Variants in ORC4 observed in about 807,000 individuals in gnomAD.
The protein encoded by ORC4 is origin recognition complex, subunit 4 homolog.
ORC4 carries 55 observed loss-of-function variants against 63.9 expected under a neutral mutation model. The ratio of observed to expected loss-of-function variants is 0.86; its 90% CI spans 0.69 to 1.08. The LOEUF (loss-of-function observed/expected upper bound fraction) is 1.08, where lower values mean the gene tolerates loss of function less well. Ranked by LOEUF, ORC4 falls within the 50% of genes least tolerant of loss-of-function variation. The pLI is 0.00. For missense variants in ORC4, 511 were observed against 504.4 expected (o/e 1.01, Z -0.13); for synonymous variants, 150 against 168.5 (o/e 0.89, Z 0.85).
In ORC4 at chr2:147,989,521, C is replaced by A. The variant is rs182017417; in HGVS notation, c.-17-13546G>T. 2.0e-3 allele frequency among the ~76,000 whole-genome samples: 303 copies of A among 152,240 alleles called. 1 individual carries two copies. The highest frequency in any genetic ancestry group is 0.014 in the Middle Eastern group (4 of 294). On this transcript the variant is annotated intron_variant, in intron 1 of 13. Transcript: ENST00000392857. ...AGGAGTTTGAGACGAGCCTGGCCAA[C>A]ATGGTGAAACTCCATCTCTACTAAA... is the stretch of plus-strand genomic sequence containing the variant.
intron 4 of ORC4, among the ~76,000 whole-genome samples, chr2:147,970,724 C>T (rs1452110862): frequency 6.6e-6 from 1 of 151,736 alleles, no homozygotes; most frequent in East Asian, 1.9e-4. Flanking sequence ...AACTATAAAG[C>T]TTGTAGAAGA....
intron 1 of ORC4, among the ~76,000 whole-genome samples, chr2:148,019,022 T>C (rs1196573746): frequency 2.0e-5 from 3 of 151,826 alleles, no homozygotes; most frequent in African/African-American, 4.8e-5. Flanking sequence ...TTTAAAATTG[T>C]AGCTAAGGCA....
At chr2:147,949,560 T>C (rs1688841257) in intron 8 of ORC4, among the ~76,000 whole-genome samples, 1 of 152,140 alleles carries the variant, frequency 6.6e-6, no homozygotes, top group Non-Finnish European at 1.5e-5. Context: ...ATGGTATAAA[T>C]TACATCTCAA....
At chr2:147,972,865 G>A (rs776898231) in intron 3 of ORC4, 36 bp from the exon 4 acceptor site, 4 of 1,359,564 alleles carry the variant, frequency 2.9e-6, no homozygotes, top group Non-Finnish European at 4.2e-6. Context: ...TTTTAAAAAT[G>A]AAGCTGGAAT....
chr2:147,946,800 T>TAA (rs1227345049), intron 9 of ORC4, among the ~76,000 whole-genome samples: 4 of 151,970 alleles, frequency 2.6e-5, no homozygotes, highest in Admixed American at 2.6e-4. Flanking sequence ...GTCCTTTATG[T>TAA]AAAAACAACA....
chr2:147,942,149 T>C (rs909103963), intron 10 of ORC4, among the ~76,000 whole-genome samples: 5 of 152,094 alleles, frequency 3.3e-5, no homozygotes, highest in African/African-American at 9.7e-5. Flanking sequence ...TAGGTACTAC[T>C]AGCATCAACA....
At chr2:148,009,176 AT>A (rs1692804819) in intron 1 of ORC4, among the ~76,000 whole-genome samples, 1 of 152,122 alleles carries the variant, frequency 6.6e-6, no homozygotes, top group Non-Finnish European at 1.5e-5. Flanking sequence ...GCACAAAAAA[AT>A]AAAAAGCAAG....
At chr2:147,980,994 A>C (rs574355463) in intron 1 of ORC4, among the ~76,000 whole-genome samples, 6 of 152,316 alleles carry the variant, frequency 3.9e-5, no homozygotes, top group African/African-American at 1.4e-4. Flanking sequence ...TGAAAAGATA[A>C]AGAAGATGTG....
rs907761585 is a variant in ORC4 at position 147,948,483 on chromosome 2, T to G, written c.589-259A>C. 4.6e-5 allele frequency among the ~76,000 whole-genome samples: 7 copies of G among 152,092 alleles called. No individual in the cohort carries two copies. The East Asian group carries it at 1.3e-3, about 29-fold the overall frequency. On this transcript the variant is annotated intron_variant, in intron 8 of 13. Coordinates refer to ENST00000392857, the MANE Select transcript of ORC4 (RefSeq NM_181741.4). Reference sequence around the variant, plus strand: ...GTAACATTCCAAGACCCAACATGACTGTTTAAAAAAACTGACAATATTGAA... The same window carrying G: ...GTAACATTCCAAGACCCAACATGACGGTTTAAAAAAACTGACAATATTGAA...
intron 1 of ORC4, among the ~76,000 whole-genome samples, chr2:148,014,706 A>G (rs1415460477): frequency 6.6e-6 from 1 of 152,204 alleles, no homozygotes; most frequent in Non-Finnish European, 1.5e-5. Flanking sequence ...AAATAATAGA[A>G]ATTTTTAAAA....
intron 1 of ORC4, among the ~76,000 whole-genome samples, chr2:148,011,271 C>A (rs1247135455): frequency 6.6e-6 from 1 of 152,136 alleles, no homozygotes; most frequent in Non-Finnish European, 1.5e-5. Flanking sequence ...TTAAAAAGAT[C>A]ATCATAATCA....
At chr2:147,936,150 G>GT (rs1334960042) in intron 13 of ORC4, among the ~76,000 whole-genome samples, 1 of 152,098 alleles carries the variant, frequency 6.6e-6, no homozygotes, top group East Asian at 1.9e-4. Context: ...TAACACAGCT[G>GT]TAACAGAGGG....
intron 9 of ORC4, among the ~76,000 whole-genome samples, chr2:147,945,571 G>A (rs1688613018): frequency 6.6e-6 from 1 of 152,052 alleles, no homozygotes; most frequent in Non-Finnish European, 1.5e-5. Context: ...TCTTTTAAAT[G>A]TTCTTTTCAA....
chr2:147,939,276 T>A, intron 10 of ORC4, 28 bp from the exon 11 acceptor site: 2 of 1,421,264 alleles, frequency 1.4e-6, no homozygotes, highest in Non-Finnish European at 2.0e-6. Flanking sequence ...AGAAAAACAA[T>A]TACGTATTTA....
At chr2:147,939,078 T>C (rs1261031704) in intron 11 of ORC4, 62 bp downstream of exon 11, 3 of 971,504 alleles carry the variant, frequency 3.1e-6, no homozygotes, top group African/African-American at 3.2e-5. Flanking sequence ...TTTAAAAACA[T>C]TCCATTATCT....
At chr2:147,982,781 A>G (rs1463076516) in intron 1 of ORC4, among the ~76,000 whole-genome samples, 1 of 152,208 alleles carries the variant, frequency 6.6e-6, no homozygotes, top group Non-Finnish European at 1.5e-5. Flanking sequence ...TATTTCAAAG[A>G]CAATTCTAAT....
chr2:147,935,680 G>T lies in ORC4; in HGVS notation c.1141C>A (p.Gln381Lys), dbSNP rs1313030230. 2 of 1,612,404 alleles carry T rather than the reference G, an allele frequency of 1.2e-6. No homozygotes were observed. The highest frequency in any genetic ancestry group is 2.7e-5 in the African/African-American group (2 of 74,828). The change falls in exon 14 of 14, where the codon CAA becomes AAA. Residue 381 changes from glutamine (Q) to lysine (K), a missense_variant. Transcript: ENST00000392857. ...TCCATGGGCTTTATTAATTCTAATTGCTGCAAGTGTTCAAAAGCCTGAAAG... is the reference window on the plus strand; with the variant it reads ...TCCATGGGCTTTATTAATTCTAATTTCTGCAAGTGTTCAAAAGCCTGAAAG... ...VVMKAFEHLQ[Q>K]LELIKPMERT... is the part of the protein sequence containing the mutation.
chr2:147,949,327 T>C (rs1454287762), intron 8 of ORC4, among the ~76,000 whole-genome samples: 1 of 152,036 alleles, frequency 6.6e-6, no homozygotes, highest in African/African-American at 2.4e-5. Context: ...TGAAAACATG[T>C]TAAAGAAGCC....
At position 147,933,109 on chromosome 2, in the gene ORC4, C is replaced by T. The variant is rs1687857823; in HGVS notation, c.*2401G>A. 6.6e-6 allele frequency: 1 copy of T among 151,950 alleles called. No individual in the cohort carries two copies. Among genetic ancestry groups the T allele is most frequent in the South Asian group, 2.1e-4 (1 of 4,826 alleles). The allele number at this position is 151,950 out of a possible 1,614,324, so 9.4% of individuals were successfully genotyped here. On this transcript the variant is annotated 3_prime_UTR_variant, in exon 14 of 14. Transcript: ENST00000392857. ...AGATGTAAAAACACACTGAAATATT[C>T]CTCCTTTCACCTGCTTTTCAGTTTG...
Sources: gnomAD v4.1 joint callset for allele counts (sites outside exome capture counted in the v4.1 genomes callset) on GRCh38, gnomAD v4.1.1 for gene constraint, MANE v1.5 for transcripts, NCBI Gene and HGNC (gene_info 2026-07-23, HGNC 2026-07-21) for gene names.